WDR45B: variants seen among roughly 807,000 people sequenced by gnomAD.
WDR45B encodes WD repeat domain 45B, also known as WD repeat domain phosphoinositide-interacting protein 3.
A neutral mutation model predicts 44.6 loss-of-function variants in WDR45B; 20 were observed. The observed-to-expected ratio is 0.45, with a 90% CI of 0.32 to 0.65. The LOEUF (loss-of-function observed/expected upper bound fraction) is 0.65. WDR45B is among the 30% of genes least tolerant of loss of function. The pLI, the probability that WDR45B is intolerant of heterozygous loss-of-function variation, is 0.05. For synonymous variants in WDR45B, 169 were observed against 164.9 expected (o/e 1.02, Z -0.19); for missense variants, 323 against 430.2 (o/e 0.75, Z 2.20).
rs2045604232 is a variant in WDR45B, at chr17:82,620,759, A to G, written c.618+850T>C. On this transcript the variant is annotated intron_variant, in intron 6 of 9. Transcript: ENST00000392325. ...TCTTTGTAAAAATCTGAATTCAGGC[A>G]AAAAGAAGTATAAAGAACCCCAGAT... Among the ~76,000 whole-genome samples, 5 of 152,352 alleles carry G rather than the reference A, an allele frequency of 3.3e-5. No individual in the cohort carries two copies. In the South Asian group the frequency reaches 1.0e-3, roughly 32 times the overall value.
chr17:82,634,159 A>AAAAAAAAAC, intron 2 of WDR45B, among the ~76,000 whole-genome samples: 1 of 148,640 alleles, frequency 6.7e-6, no homozygotes. Flanking sequence ...TCAAAAAAAA[A>AAAAAAAAAC]AAAAAAAAAA....
intron 2 of WDR45B, among the ~76,000 whole-genome samples, chr17:82,632,522 G>C (rs926304712): frequency 2.0e-5 from 3 of 152,044 alleles, no homozygotes; most frequent in African/African-American, 7.3e-5. Flanking sequence ...AATTTTCAGA[G>C]GTCTTCCATG....
At chr17:82,644,333 C>T in intron 1 of WDR45B, 1 of 430,084 alleles carries the variant, frequency 2.3e-6, no homozygotes, top group Non-Finnish European at 4.3e-6. Flanking sequence ...ACGTGAAGGA[C>T]ACTTCTAGAG....
Position 82,621,606 on chromosome 17 carries a change from T to TA in WDR45B, c.618+2dup, listed in dbSNP as rs2045618451. On this transcript the variant is annotated splice_region_variant and intron_variant, in intron 6 of 9. Transcript: ENST00000392325. ...ACACCAACAAGGTGAGTGGCACACT[T>TA]ACTTTCTCGGATGCAGTTGCAATTC... The TA allele has an allele frequency of 6.2e-7, 1 of 1,614,012 alleles. No individual in the cohort carries two copies. The highest frequency in any genetic ancestry group is 1.7e-5 in the Admixed American group (1 of 60,006).
chr17:82,646,563 C>G (rs983119173), intron 1 of WDR45B, among the ~76,000 whole-genome samples: 1 of 143,736 alleles, frequency 7.0e-6, no homozygotes, highest in Admixed American at 7.0e-5. Context: ...AAATAAAGTA[C>G]AGAAGTAGGC....
At position 82,629,685 on chromosome 17, in the gene WDR45B, GTC is replaced by G. The variant is rs759399381; in HGVS notation, c.244+1234_244+1235del. The G allele has an allele frequency of 1.7e-4, 170 of 985,112 alleles. 1 individual carries two copies. Among genetic ancestry groups the G allele is most frequent in the Non-Finnish European group, 1.9e-4 (159 of 829,876 alleles). The allele number at this position is 985,112 out of a possible 1,614,324, so 61.0% of individuals were successfully genotyped here. ...CAGGGCCAGTCCTCACCCGAGTGTG[GTC>G]TCTCTTCCGCACATTCACGTTCACG... On this transcript the variant is annotated intron_variant, in intron 3 of 9. Transcript: ENST00000392325.
At chr17:82,617,480 G>T in intron 7 of WDR45B, 83 bp from the exon 8 acceptor site, 1 of 1,349,256 alleles carries the variant, frequency 7.4e-7, no homozygotes, top group Non-Finnish European at 1.1e-6. Context: ...TGTCGACACT[G>T]TGGAACACCT....
At chr17:82,634,466 T>C (rs2143334319) in intron 2 of WDR45B, among the ~76,000 whole-genome samples, 1 of 150,418 alleles carries the variant, frequency 6.6e-6, no homozygotes, top group Admixed American at 6.6e-5. Context: ...CCATCCAGCC[T>C]GGGCGACAGG....
Position 82,614,921 on chromosome 17 carries a change from A to C in WDR45B, c.*998T>G, listed in dbSNP as rs1390257235. 6.6e-6 allele frequency: 1 copy of C among 152,154 alleles called. No homozygotes were observed. The highest frequency in any genetic ancestry group is 1.5e-5 in the Non-Finnish European group (1 of 68,032). The allele number at this position is 152,154 out of a possible 1,614,324, so 9.4% of individuals were successfully genotyped here. On this transcript the variant is annotated 3_prime_UTR_variant, in exon 10 of 10. Transcript: ENST00000392325. ...AAAGTTATGTGCCTCTCCTTCCCAAAATGTTAGTGTGTAGCTATTCTTACA... is the reference window on the plus strand; with the variant it reads ...AAAGTTATGTGCCTCTCCTTCCCAACATGTTAGTGTGTAGCTATTCTTACA...
intron 2 of WDR45B, among the ~76,000 whole-genome samples, chr17:82,642,323 G>A (rs2045928058): frequency 1.3e-5 from 2 of 152,154 alleles, no homozygotes; most frequent in South Asian, 4.1e-4. Flanking sequence ...CACACGCGAG[G>A]GATGGAGGCT....
intron 6 of WDR45B, 106 bp downstream of exon 6, chr17:82,621,503 T>G (rs975953425): frequency 7.5e-6 from 11 of 1,470,698 alleles, no homozygotes; most frequent in African/African-American, 1.4e-5. Context: ...GGGCTCCAGG[T>G]TGGGGCAGGC....
chr17:82,630,441 C>T (rs1048860972), intron 3 of WDR45B, among the ~76,000 whole-genome samples: 3 of 152,096 alleles, frequency 2.0e-5, no homozygotes, highest in Non-Finnish European at 4.4e-5. Context: ...CTATCTACTC[C>T]TCCCTCTACT....
intron 3 of WDR45B, 77 bp from the exon 4 acceptor site, chr17:82,627,368 G>A (rs751575735): frequency 2.4e-5 from 30 of 1,265,890 alleles, no homozygotes; most frequent in Non-Finnish European, 3.0e-5. Flanking sequence ...CCAGCTTGGC[G>A]CCTAAGGTGT....
intron 2 of WDR45B, among the ~76,000 whole-genome samples, chr17:82,641,624 C>T (rs1334310225): frequency 1.3e-5 from 2 of 152,078 alleles, no homozygotes; most frequent in East Asian, 1.9e-4. Context: ...GGCCGGGGTG[C>T]GGTGGCTCAT....
In WDR45B at chr17:82,619,178, G is replaced by A. The variant is rs368815613; in HGVS notation, c.619-50C>T. ...ATTATCAAAGATTCAAAACTTTTTC[G>A]TTAGTTTTTGAAATGACTCACATTC... On this transcript the variant is annotated intron_variant, in intron 6 of 9. Transcript: ENST00000392325. 216 of 1,574,800 alleles carry A rather than the reference G, an allele frequency of 1.4e-4. 1 individual carries two copies. The highest frequency in any genetic ancestry group is 1.3e-3 in the South Asian group (115 of 90,158).
chr17:82,637,767 G>T (rs1374184002), intron 2 of WDR45B, among the ~76,000 whole-genome samples: 2 of 151,988 alleles, frequency 1.3e-5, no homozygotes, highest in Non-Finnish European at 2.9e-5. Context: ...CAAAGCTTCC[G>T]TGAAGCTCTC....
chr17:82,632,608 T>C (rs1399700307), intron 2 of WDR45B, among the ~76,000 whole-genome samples: 2 of 152,142 alleles, frequency 1.3e-5, no homozygotes, highest in African/African-American at 4.8e-5. Context: ...TCTGCATGGT[T>C]CACGTAACTC....
intron 8 of WDR45B, 44 bp downstream of exon 8, chr17:82,617,252 C>T (rs374932739): frequency 1.9e-4 from 306 of 1,577,436 alleles, no homozygotes; most frequent in Non-Finnish European, 2.5e-4. Context: ...CTGGGGACTC[C>T]TCTCATCCCC....
rs1445986358 is a variant in WDR45B, at chr17:82,627,350, C to G, written c.245-59G>C. On this transcript the variant is annotated intron_variant, in intron 3 of 9. Transcript: ENST00000392325. ...ATCAGCAGGCCATGGCGCTGGGATG[C>G]AGCGATGCCAGCTTGGCGCCTAAGG... is the stretch of plus-strand genomic sequence containing the variant. 13 of 1,375,594 alleles carry G rather than the reference C, an allele frequency of 9.5e-6. No homozygotes were observed. In the East Asian group the frequency reaches 3.0e-4, roughly 31 times the overall value. The allele number at this position is 1,375,594 out of a possible 1,614,324, so 85.2% of individuals were successfully genotyped here.
Sources: allele counts gnomAD v4.1 joint callset (sites outside exome capture counted in the v4.1 genomes callset), GRCh38; gene constraint gnomAD v4.1.1; transcripts MANE v1.5; gene names NCBI Gene and HGNC (gene_info 2026-07-23, HGNC 2026-07-21).